RBFOX1: variants seen among roughly 807,000 people sequenced by gnomAD.
RBFOX1 encodes RNA binding fox-1 homolog 1.
In RBFOX1, 8 loss-of-function variants were observed where a neutral mutation model predicts 57.7. The observed-to-expected ratio is 0.14, with a 90% CI of 0.08 to 0.25. RBFOX1 has a LOEUF of 0.25. Ranked by LOEUF, RBFOX1 falls within the 10% of genes least tolerant of loss-of-function variation. The pLI, the probability that RBFOX1 is intolerant of heterozygous loss-of-function variation, is 1.00. For synonymous variants in RBFOX1, 326 were observed against 222.4 expected (o/e 1.47, Z -4.15); for missense variants, 611 against 548.5 (o/e 1.11, Z -1.14).
At chr16:7,057,003 G>T (rs953632782) in intron 4 of RBFOX1, among the ~76,000 whole-genome samples, 1 of 149,902 alleles carries the variant, frequency 6.7e-6, no homozygotes. Flanking sequence ...ATTGGTGACT[G>T]GATAAAACAA....
chr16:6,926,099 A>G (rs1306343125), intron 3 of RBFOX1, among the ~76,000 whole-genome samples: 1 of 151,948 alleles, frequency 6.6e-6, no homozygotes, highest in African/African-American at 2.4e-5. Context: ...TGAGGTCAGG[A>G]GTTCAAGACC....
chr16:6,586,281 C>A (rs1009230156), intron 2 of RBFOX1, among the ~76,000 whole-genome samples: 8 of 152,174 alleles, frequency 5.3e-5, no homozygotes, highest in African/African-American at 1.9e-4. Flanking sequence ...GTCTTACAAC[C>A]TCAGTGTATT....
At chr16:6,995,415 C>T (rs1413653871) in intron 3 of RBFOX1, among the ~76,000 whole-genome samples, 1 of 150,754 alleles carries the variant, frequency 6.6e-6, no homozygotes, top group East Asian at 2.0e-4. Flanking sequence ...GTGTGATAGA[C>T]CTATGGGGTG....
chr16:7,024,690 C>A (rs1390691629), intron 3 of RBFOX1, among the ~76,000 whole-genome samples: 1 of 152,124 alleles, frequency 6.6e-6, no homozygotes, highest in Non-Finnish European at 1.5e-5. Flanking sequence ...AATGGAGGAG[C>A]CCCAGGCACA....
chr16:6,759,971 C>G (rs1302764023), intron 3 of RBFOX1, among the ~76,000 whole-genome samples: 1 of 152,104 alleles, frequency 6.6e-6, no homozygotes, highest in African/African-American at 2.4e-5. Context: ...TGTATCAGCC[C>G]TTGTGGAGTC....
At chr16:5,262,824 G>T (rs1289675560) in intron 1 of RBFOX1, among the ~76,000 whole-genome samples, 1 of 152,138 alleles carries the variant, frequency 6.6e-6, no homozygotes, top group Non-Finnish European at 1.5e-5. Flanking sequence ...ATATTCAAGA[G>T]GTGAAAATTG....
At chr16:5,640,484 C>T (rs2048825729) in intron 3 of RBFOX1, among the ~76,000 whole-genome samples, 1 of 151,876 alleles carries the variant, frequency 6.6e-6, no homozygotes, top group African/African-American at 2.4e-5. Context: ...ACCATGCACA[C>T]ACATATATGC....
chr16:6,886,904 C>G (rs1015380967), intron 3 of RBFOX1, among the ~76,000 whole-genome samples: 8 of 151,984 alleles, frequency 5.3e-5, no homozygotes, highest in Non-Finnish European at 1.2e-4. Context: ...GTCACTTAGC[C>G]AATGAGGTCA....
chr16:7,303,576 A>C (rs1261376640), intron 4 of RBFOX1, among the ~76,000 whole-genome samples: 1 of 152,222 alleles, frequency 6.6e-6, no homozygotes, highest in African/African-American at 2.4e-5. Context: ...ACAAACAAAA[A>C]AAATAAATAA....
chr16:6,009,327 T>C (rs1225644025), intron 4 of RBFOX1, among the ~76,000 whole-genome samples: 1 of 152,130 alleles, frequency 6.6e-6, no homozygotes, highest in Admixed American at 6.5e-5. Flanking sequence ...CACCTGTGAG[T>C]CAAGTAGGGC....
chr16:7,678,538 C>T (rs1022674400), intron 14 of RBFOX1, among the ~76,000 whole-genome samples: 5 of 152,002 alleles, frequency 3.3e-5, no homozygotes, highest in Non-Finnish European at 5.9e-5. Flanking sequence ...ATCATAGTAA[C>T]TCTAGCCTGC....
At chr16:6,458,873 T>C (rs1347551272) in intron 2 of RBFOX1, among the ~76,000 whole-genome samples, 3 of 152,232 alleles carry the variant, frequency 2.0e-5, no homozygotes, top group Admixed American at 6.5e-5. Context: ...TTCCCAGAAT[T>C]ACTGGAGGGT....
intron 2 of RBFOX1, among the ~76,000 whole-genome samples, chr16:6,360,742 A>G (rs1379383858): frequency 1.3e-5 from 2 of 152,116 alleles, no homozygotes; most frequent in East Asian, 3.9e-4. Flanking sequence ...GAATGTTAAG[A>G]AGCTATTCAT....
At chr16:6,990,625 G>A (rs770947433) in intron 3 of RBFOX1, among the ~76,000 whole-genome samples, 1 of 152,012 alleles carries the variant, frequency 6.6e-6, no homozygotes, top group Non-Finnish European at 1.5e-5. Flanking sequence ...ATATTACATT[G>A]GTGCAAAAGT....
intron 1 of RBFOX1, among the ~76,000 whole-genome samples, chr16:6,113,588 A>G (rs1451379307): frequency 6.6e-6 from 1 of 152,176 alleles, no homozygotes; most frequent in Non-Finnish European, 1.5e-5. Context: ...CTGTCTCCGC[A>G]TTTGTTGATA....
intron 2 of RBFOX1, among the ~76,000 whole-genome samples, chr16:6,388,256 G>A (rs567020499): frequency 3.9e-5 from 6 of 152,056 alleles, no homozygotes; most frequent in South Asian, 2.1e-4. Context: ...GTGAGCCACC[G>A]TGCTTGGTCC....
chr16:7,617,723 C>A (rs182439226), intron 10 of RBFOX1, among the ~76,000 whole-genome samples: 1 of 152,018 alleles, frequency 6.6e-6, no homozygotes, highest in Non-Finnish European at 1.5e-5. Context: ...GCCGAGGTAC[C>A]AAAACAGACC....
chr16:7,104,616 T>C (rs748924059), intron 4 of RBFOX1, among the ~76,000 whole-genome samples: 6 of 152,288 alleles, frequency 3.9e-5, no homozygotes, highest in Non-Finnish European at 8.8e-5. Flanking sequence ...GCTGTGATAT[T>C]GCTAACTCCT....
chr16:5,557,208 C>T lies in RBFOX1; in HGVS notation c.259-41694C>T, dbSNP rs752566559. Among the ~76,000 whole-genome samples, 4 of 151,732 alleles carry T rather than the reference C, an allele frequency of 2.6e-5. No homozygotes were observed. The East Asian group carries it at 7.7e-4, about 29-fold the overall frequency. On this transcript the variant is annotated intron_variant, in intron 2 of 2. Coordinates refer to the RBFOX1 transcript ENST00000585867. ...CCAGGAGGCAGAGGTTGCAGTGAGC[C>T]GGGATTGCGCCACTGCACTCCAGCC...
Sources: allele counts gnomAD v4.1 joint callset (sites outside exome capture counted in the v4.1 genomes callset), GRCh38; gene constraint gnomAD v4.1.1; transcripts MANE v1.5; gene names NCBI Gene and HGNC (gene_info 2026-07-23, HGNC 2026-07-21).